CIITA: variants seen among roughly 807,000 people sequenced by gnomAD.
CIITA encodes the protein MHC class II transactivator.
A neutral mutation model predicts 115.1 loss-of-function variants in CIITA; 72 were observed. That is an observed-to-expected ratio of 0.63 (90% confidence interval 0.52 to 0.76). The LOEUF (loss-of-function observed/expected upper bound fraction) is 0.76. CIITA is among the 30% of genes least tolerant of loss of function. The pLI, the probability that CIITA is intolerant of heterozygous loss-of-function variation, is 0.00. For synonymous variants in CIITA, 763 were observed against 635.6 expected, an observed-to-expected ratio of 1.20 and a Z score of -3.02; for missense variants, 1,617 against 1,463.8, an observed-to-expected ratio of 1.10 and a Z score of -1.71.
At chr16:10,916,161 A>T (rs1369450523) in intron 14 of CIITA, among the ~76,000 whole-genome samples, 1 of 152,120 alleles carries the variant, frequency 6.6e-6, no homozygotes, top group East Asian at 1.9e-4. Context: ...CATGAGTTAG[A>T]CTTTGCCCTC....
chr16:10,941,452 G>A lies in CIITA; in HGVS notation n.578G>A. 1 of 1,062,766 alleles carries A rather than the reference G, an allele frequency of 9.4e-7. No individual in the cohort carries two copies. 65.8% of individuals were successfully genotyped at this position (1,062,766 alleles called of 1,614,324 possible). A position where few individuals can be genotyped will look rare whatever the true frequency, so the allele number is the denominator to read the frequency against. On this transcript the variant is annotated non_coding_transcript_exon_variant, in exon 2 of 2. Coordinates refer to the CIITA transcript ENST00000573379. This position sits in a 1 kb window ranked among gnomAD's most constrained non-coding sequence, Gnocchi z 6.4. Reference sequence around the variant, plus strand: ...CCATTCCTGGCATCCAGTTAGACCTGGAGGAGGTGAACGGAGGAGAAGCCT... The same window carrying A: ...CCATTCCTGGCATCCAGTTAGACCTAGAGGAGGTGAACGGAGGAGAAGCCT...
At chr16:10,868,601 C>T (rs1427966791) in intron 1 of CIITA, among the ~76,000 whole-genome samples, 4 of 152,162 alleles carry the variant, frequency 2.6e-5, no homozygotes, top group Non-Finnish European at 5.9e-5. Context: ...CGCAGACAGC[C>T]AGTGTGGTCT....
chr16:10,937,859 G>A (rs1441158491), downstream of CIITA: 2 of 152,210 alleles, frequency 1.3e-5, no homozygotes, highest in East Asian at 1.9e-4. The surrounding 1 kb of genome is among the most constrained non-coding windows in gnomAD (Gnocchi z 4.2). Context: ...GGGTTCTGGT[G>A]CCCTGGGGAC....
At chr16:10,904,694 C>T in intron 9 of CIITA, 50 bp from the exon 10 acceptor site, 2 of 1,608,708 alleles carry the variant, frequency 1.2e-6, no homozygotes, top group Non-Finnish European at 1.7e-6. Flanking sequence ...GAGGGGGGTC[C>T]CCAGGGGTAA....
chr16:10,875,245 C>T (rs922326229), upstream of CIITA, among the ~76,000 whole-genome samples: 4 of 152,182 alleles, frequency 2.6e-5, no homozygotes, highest in African/African-American at 4.8e-5. Context: ...AGGCATGAGC[C>T]ACTGTGCCTG....
chr16:10,868,693 A>G (rs1003912016), intron 1 of CIITA, among the ~76,000 whole-genome samples: 5 of 152,056 alleles, frequency 3.3e-5, no homozygotes, highest in Non-Finnish European at 7.4e-5. Context: ...CCCCAGCCAC[A>G]TGTGCCTTCA....
At chr16:10,936,439 T>C (rs1169093204), downstream of CIITA, 1 of 152,274 alleles carries the variant, frequency 6.6e-6, no homozygotes, top group East Asian at 1.9e-4. Context: ...AAATTACACA[T>C]ATACACATGT....
At position 10,918,352 on chromosome 16, in the gene CIITA, C is replaced by T. The variant is rs193052088; in HGVS notation, c.3063-88C>T. On this transcript the variant is annotated intron_variant, in intron 15 of 19. Transcript: ENST00000324288. ...GCTTAAGTCTGTCGACAGCGCCATTCACAGCCTATGACCCAGAACTCTCCT... is the reference window on the plus strand; with the variant it reads ...GCTTAAGTCTGTCGACAGCGCCATTTACAGCCTATGACCCAGAACTCTCCT... 3.0e-4 allele frequency: 356 copies of T among 1,182,400 alleles called. 1 individual carries two copies. The Admixed American group carries it at 4.6e-3, about 15-fold the overall frequency. 73.2% of individuals were successfully genotyped at this position (1,182,400 alleles called of 1,614,324 possible). A position where few individuals can be genotyped will look rare whatever the true frequency, so the allele number is the denominator to read the frequency against.
At chr16:10,908,948 A>G (rs2039366348) in intron 11 of CIITA, 81 bp from the exon 12 acceptor site, 3 of 1,597,992 alleles carry the variant, frequency 1.9e-6, no homozygotes, top group Non-Finnish European at 1.7e-6. Flanking sequence ...TTTAATAGGT[A>G]GGAGGACCCT....
chr16:10,891,379 G>T (rs2037565615), intron 1 of CIITA, among the ~76,000 whole-genome samples: 1 of 152,152 alleles, frequency 6.6e-6, no homozygotes, highest in African/African-American at 2.4e-5. Context: ...CAGAGTGAAG[G>T]AAAGAGGTCA....
intron 15 of CIITA, 126 bp downstream of exon 15, chr16:10,916,585 T>C: frequency 1.2e-6 from 1 of 815,512 alleles, no homozygotes; most frequent in Non-Finnish European, 2.0e-6. Context: ...TAGAATATAG[T>C]GCTATGATCA....
chr16:10,941,408 G>A lies in CIITA; in HGVS notation n.534G>A, dbSNP rs1596663850. ...GAGGAAGCTTTCCAGCCCAAACGAA[G>A]GGCTTAAGAGGAGTCTGGCCATTCC... On this transcript the variant is annotated non_coding_transcript_exon_variant, in exon 2 of 2. Transcript: ENST00000573379. The surrounding 1 kb of genome is among the most constrained non-coding windows in gnomAD (Gnocchi z 6.4). 1.8e-6 allele frequency: 1 copy of A among 547,860 alleles called. No homozygotes were observed. The highest frequency in any genetic ancestry group is 2.5e-6 in the Non-Finnish European group (1 of 394,922). The allele number at this position is 547,860 out of a possible 1,614,324, so 33.9% of individuals were successfully genotyped here. A position where few individuals can be genotyped will look rare whatever the true frequency, so the allele number is the denominator to read the frequency against.
chr16:10,901,648 G>T lies in CIITA; in HGVS notation c.481+90G>T. The T allele has an allele frequency of 1.5e-6, 2 of 1,371,958 alleles. No individual in the cohort carries two copies. The highest frequency in any genetic ancestry group is 1.0e-6 in the Non-Finnish European group (1 of 980,156). 85.0% of individuals were successfully genotyped at this position (1,371,958 alleles called of 1,614,324 possible). On this transcript the variant is annotated intron_variant, in intron 6 of 19. Transcript: ENST00000324288. This position sits in a 1 kb window ranked among gnomAD's most constrained non-coding sequence, Gnocchi z 6.8. ...TGAACTCCTGGCCCAAGTCTGATGG[G>T]GATGGTGCATGGTGCAGCCCCTGCC... is the stretch of plus-strand genomic sequence containing the variant.
In CIITA at chr16:10,901,464, G is replaced by A. The variant is rs767774238; in HGVS notation, c.437-50G>A. 3.1e-6 allele frequency: 5 copies of A among 1,608,046 alleles called. No homozygotes were observed. The African/African-American group carries it at 4.0e-5, about 13-fold the overall frequency. On this transcript the variant is annotated intron_variant, in intron 5 of 19. Transcript: ENST00000324288. This position sits in a 1 kb window ranked among gnomAD's most constrained non-coding sequence, Gnocchi z 6.8. ...CTGCTAGAGTCCTGAGCCCCTTCTG[G>A]CTTGGGACATCCTCTCCCTGGGGCA...
chr16:10,881,626 G>C (rs537052960), intron 1 of CIITA, among the ~76,000 whole-genome samples: 3 of 152,142 alleles, frequency 2.0e-5, no homozygotes, highest in African/African-American at 7.2e-5. Flanking sequence ...TTGCTTTTCC[G>C]TTTATACATG....
At chr16:10,922,132 C>T (rs768733809) in intron 16 of CIITA, 35 bp from the exon 17 acceptor site, 2 of 1,597,068 alleles carry the variant, frequency 1.3e-6, no homozygotes, top group South Asian at 1.1e-5. Context: ...ATGCACAGGC[C>T]TCCAATCCCT....
intron 1 of CIITA, among the ~76,000 whole-genome samples, chr16:10,869,817 T>G (rs937202088): frequency 2.6e-5 from 4 of 152,128 alleles, no homozygotes; most frequent in Non-Finnish European, 5.9e-5. Context: ...CTCCCCACCT[T>G]CTGTATATCT....
Position 10,916,431 on chromosome 16 carries a change from C to T in CIITA, c.3034C>T (p.Pro1012Ser), listed in dbSNP as rs1336798947. 1.2e-6 allele frequency: 2 copies of T among 1,613,036 alleles called. No homozygotes were observed. Among genetic ancestry groups the T allele is most frequent in the South Asian group, 2.2e-5 (2 of 90,786 alleles). Residue 1012 changes from proline to serine, a missense_variant, in exon 15 of 20, where the codon CCC (proline) becomes TCC (serine). Coordinates refer to ENST00000324288, the MANE Select transcript of CIITA (RefSeq NM_000246.4). ...EGVSQLSATFPQLKSLETLNL... is the reference protein window; with the variant it reads ...EGVSQLSATFSQLKSLETLNL... Reference sequence around the variant, plus strand: ...TGTCTCGCAGCTCTCAGCCACCTTCCCCCAGCTGAAGTCCTTGGAAACCCT... The same window carrying T: ...TGTCTCGCAGCTCTCAGCCACCTTCTCCCAGCTGAAGTCCTTGGAAACCCT...
chr16:10,927,681 C>G lies in CIITA; in HGVS notation c.*3826C>G, dbSNP rs144572023. 2.6e-5 allele frequency: 4 copies of G among 152,154 alleles called. No homozygotes were observed. The highest frequency in any genetic ancestry group is 9.7e-5 in the African/African-American group (4 of 41,428). The allele number at this position is 152,154 out of a possible 1,614,324, so 9.4% of individuals were successfully genotyped here. On this transcript the variant is annotated 3_prime_UTR_variant, in exon 20 of 20. Coordinates refer to ENST00000324288, the MANE Select transcript of CIITA (RefSeq NM_000246.4). ...CCAAACTGGGAGTCCTGGTGTGGAGCCTTTTAACCCAGAGGGGCATCTTTT... is the reference window on the plus strand; with the variant it reads ...CCAAACTGGGAGTCCTGGTGTGGAGGCTTTTAACCCAGAGGGGCATCTTTT...
Sources: allele counts gnomAD v4.1 joint callset (sites outside exome capture counted in the v4.1 genomes callset), GRCh38; gene constraint gnomAD v4.1.1; non-coding constraint Gnocchi (gnomAD v3.1); transcripts MANE v1.5; gene names NCBI Gene and HGNC (gene_info 2026-07-23, HGNC 2026-07-21).